Variants in NCKAP5 observed in about 807,000 individuals in gnomAD.
NCKAP5 encodes the protein NCK associated protein 5, also known as nck-associated protein 5.
In NCKAP5, 92 loss-of-function variants were observed where a neutral mutation model predicts 167.0. The ratio of observed to expected loss-of-function variants is 0.55; its 90% CI spans 0.47 to 0.66. The LOEUF is 0.66. Among genes scored for constraint, NCKAP5 ranks in the 30% least tolerant of loss-of-function variants. NCKAP5 has a pLI of 0.00. For missense variants in NCKAP5, 2,378 were observed against 2,315.0 expected (o/e 1.03, Z -0.56); for synonymous variants, 891 against 877.4 (o/e 1.02, Z -0.27).
intron 4 of NCKAP5, among the ~76,000 whole-genome samples, chr2:133,242,814 T>A (rs1474535533): frequency 6.6e-6 from 1 of 152,218 alleles, no homozygotes. Flanking sequence ...CCTCCTCTCA[T>A]ATCTTGCAGG....
the NCKAP5 span, among the ~76,000 whole-genome samples, chr2:133,575,021 C>A: frequency 6.6e-6 from 1 of 152,204 alleles, no homozygotes; most frequent in Non-Finnish European, 1.5e-5. Flanking sequence ...TGGTCATCAT[C>A]CAGGCAGCCA....
chr2:133,674,313 TTAAAA>T, the NCKAP5 span, among the ~76,000 whole-genome samples: 46 of 151,512 alleles, frequency 3.0e-4, no homozygotes, highest in African/African-American at 1.0e-3. Flanking sequence ...AACATGAAAA[TTAAAA>T]TAAAAATTAA....
chr2:132,809,876 G>A (rs1685727362), intron 11 of NCKAP5, among the ~76,000 whole-genome samples: 2 of 152,140 alleles, frequency 1.3e-5, no homozygotes, highest in African/African-American at 4.8e-5. Flanking sequence ...TGTGTTATAG[G>A]TCCTGTGTGA....
intron 19 of NCKAP5, among the ~76,000 whole-genome samples, chr2:132,710,364 A>G (rs1331936540): frequency 6.6e-6 from 1 of 152,186 alleles, no homozygotes; most frequent in Non-Finnish European, 1.5e-5. Context: ...ATCACCACCA[A>G]TTTAACTCAA....
intron 4 of NCKAP5, among the ~76,000 whole-genome samples, chr2:133,229,048 T>C (rs2087021724): frequency 6.6e-6 from 1 of 152,112 alleles, no homozygotes; most frequent in Non-Finnish European, 1.5e-5. Flanking sequence ...TCTATTCCAC[T>C]ACGTAAAACT....
chr2:133,199,950 A>T (rs1013776454), intron 5 of NCKAP5, among the ~76,000 whole-genome samples: 2 of 151,978 alleles, frequency 1.3e-5, no homozygotes, highest in Non-Finnish European at 2.9e-5. Context: ...AAGACACACA[A>T]AAAAGCATAT....
At chr2:133,197,641 T>C (rs1207172262) in intron 5 of NCKAP5, among the ~76,000 whole-genome samples, 1 of 151,480 alleles carries the variant, frequency 6.6e-6, no homozygotes, top group Non-Finnish European at 1.5e-5. Context: ...GAACGAAATA[T>C]AACCTTCTTT....
chr2:133,477,011 A>G (rs967117772), intron 3 of NCKAP5, among the ~76,000 whole-genome samples: 2 of 152,222 alleles, frequency 1.3e-5, no homozygotes, highest in Non-Finnish European at 2.9e-5. Context: ...TCTGGCTCTG[A>G]ACAACCTTTT....
chr2:132,827,956 T>G (rs964901579), intron 11 of NCKAP5, among the ~76,000 whole-genome samples: 2 of 152,250 alleles, frequency 1.3e-5, no homozygotes, highest in African/African-American at 4.8e-5. Flanking sequence ...TACGATATAA[T>G]AGGTAAAACT....
intron 5 of NCKAP5, among the ~76,000 whole-genome samples, chr2:133,155,910 TG>T (rs2083560799): frequency 6.6e-6 from 1 of 152,250 alleles, no homozygotes; most frequent in Admixed American, 6.5e-5. Context: ...TCTACGTGTG[TG>T]CACACACATC....
chr2:132,677,060 C>T (rs952138479), intron 19 of NCKAP5, among the ~76,000 whole-genome samples: 7 of 152,222 alleles, frequency 4.6e-5, no homozygotes, highest in South Asian at 2.1e-4. Context: ...ATGATAGACC[C>T]GGTGAAGATT....
At chr2:133,564,641 G>T (rs1002135884) in intron 1 of NCKAP5, among the ~76,000 whole-genome samples, 1 of 152,148 alleles carries the variant, frequency 6.6e-6, no homozygotes, top group African/African-American at 2.4e-5. Context: ...TAAGAGGGGA[G>T]ACAGAGCAGG....
chr2:133,269,872 G>A lies in NCKAP5; in HGVS notation c.143+33165C>T, dbSNP rs973120443. ...ATAGCAAGAAAGATAATGAGAATTG[G>A]TGGTGATTTTGAATTGCTTTGAATG... is the stretch of plus-strand genomic sequence containing the variant. On this transcript the variant is annotated intron_variant, in intron 4 of 19. Transcript: ENST00000409261. 3.3e-5 allele frequency among the ~76,000 whole-genome samples: 5 copies of A among 152,298 alleles called. No homozygotes were observed. The South Asian group carries it at 6.2e-4, about 19-fold the overall frequency.
At chr2:133,226,456 A>G (rs929967156) in intron 4 of NCKAP5, among the ~76,000 whole-genome samples, 2 of 152,118 alleles carry the variant, frequency 1.3e-5, no homozygotes, top group African/African-American at 4.8e-5. Flanking sequence ...CCAAAAATGC[A>G]TATATTGAAG....
intron 6 of NCKAP5, among the ~76,000 whole-genome samples, chr2:133,044,678 A>C (rs1243360960): frequency 6.6e-6 from 1 of 152,188 alleles, no homozygotes. Flanking sequence ...AAGACCTAGT[A>C]AAGTTGAAAA....
intron 3 of NCKAP5, among the ~76,000 whole-genome samples, chr2:133,471,694 T>C (rs1253361305): frequency 1.3e-5 from 2 of 152,174 alleles, no homozygotes; most frequent in Non-Finnish European, 2.9e-5. Context: ...GGCTTTATCA[T>C]CATAGGCTAA....
intron 2 of NCKAP5, among the ~76,000 whole-genome samples, chr2:133,545,826 G>A (rs1346896681): frequency 6.6e-6 from 1 of 152,100 alleles, no homozygotes; most frequent in Non-Finnish European, 1.5e-5. Context: ...GATACATAAT[G>A]GCTTAAGCAT....
At chr2:132,744,188 T>C (rs1679447650) in intron 16 of NCKAP5, among the ~76,000 whole-genome samples, 1 of 151,748 alleles carries the variant, frequency 6.6e-6, no homozygotes. Flanking sequence ...TTGACCAATG[T>C]GAATTGTGCA....
chr2:133,259,933 G>T (rs1210725567), intron 4 of NCKAP5, among the ~76,000 whole-genome samples: 3 of 152,118 alleles, frequency 2.0e-5, no homozygotes, highest in African/African-American at 7.2e-5. Flanking sequence ...AAGGCAGCTG[G>T]AAATGTCTTG....
Sources: gnomAD v4.1 joint callset for allele counts (sites outside exome capture counted in the v4.1 genomes callset) on GRCh38, gnomAD v4.1.1 for gene constraint, MANE v1.5 for transcripts, NCBI Gene and HGNC (gene_info 2026-07-23, HGNC 2026-07-21) for gene names.